Variants in OPRL1 observed in about 807,000 individuals in gnomAD.
OPRL1 encodes nociceptin receptor.
A neutral mutation model predicts 15.5 loss-of-function variants in OPRL1; 5 were observed. That is an observed-to-expected ratio of 0.32 (90% CI 0.17 to 0.68). The LOEUF (loss-of-function observed/expected upper bound fraction) is 0.68, where lower values mean the gene tolerates loss of function less well. Among genes scored for constraint, OPRL1 ranks in the 30% least tolerant of loss-of-function variants. The pLI is 0.72. For synonymous variants in OPRL1, 223 were observed against 230.2 expected, an observed-to-expected ratio of 0.97 and a Z score of 0.28; for missense variants, 406 against 515.3, an observed-to-expected ratio of 0.79 and a Z score of 2.05.
At chr20:64,087,848 T>C (rs2060065594) in intron 1 of OPRL1, among the ~76,000 whole-genome samples, 1 of 152,156 alleles carries the variant, frequency 6.6e-6, no homozygotes, top group African/African-American at 2.4e-5. Flanking sequence ...CCTTGGCAGG[T>C]TGGGGGAGGG....
At chr20:64,088,892 A>G (rs779509506) in intron 1 of OPRL1, among the ~76,000 whole-genome samples, 472 of 19,796 alleles carry the variant, frequency 0.024, 6 homozygotes, top group Admixed American at 0.029. Flanking sequence ...GTCTGTGCAG[A>G]GTGGCCAGGG....
At chr20:64,082,806 G>A (rs1349908487) in intron 1 of OPRL1, among the ~76,000 whole-genome samples, 3 of 148,778 alleles carry the variant, frequency 2.0e-5, no homozygotes, top group Admixed American at 2.0e-4. Flanking sequence ...GTGTGTGTGG[G>A]GTGTGTGTGT....
chr20:64,083,710 G>C lies in OPRL1; in HGVS notation c.-185+3358G>C, dbSNP rs1226589923. ...GAGCAGCGCGATCTCCTCGGCCTGC[G>C]GGGCCCGGGTAGCTGAGCGCGCGCC... On this transcript the variant is annotated intron_variant, in intron 1 of 4. Transcript: ENST00000336866. The surrounding 1 kb of genome is among the most constrained non-coding windows in gnomAD (Gnocchi z 4.9). 2.2e-5 allele frequency: 30 copies of C among 1,379,582 alleles called. No individual in the cohort carries two copies. Among genetic ancestry groups the C allele is most frequent in the Non-Finnish European group, 2.6e-5 (28 of 1,075,778 alleles). The allele number at this position is 1,379,582 out of a possible 1,614,324, so 85.5% of individuals were successfully genotyped here.
chr20:64,081,686 C>G (rs2059969314), intron 1 of OPRL1, among the ~76,000 whole-genome samples: 1 of 152,210 alleles, frequency 6.6e-6, no homozygotes, highest in African/African-American at 2.4e-5. Flanking sequence ...ATATATTGGG[C>G]TTTGGACCAC....
intron 3 of OPRL1, among the ~76,000 whole-genome samples, chr20:64,096,722 C>T (rs1454956986): frequency 3.3e-5 from 5 of 151,932 alleles, no homozygotes; most frequent in African/African-American, 1.2e-4. Context: ...ACCATCACCA[C>T]CATCATCACC....
At chr20:64,080,617 G>C (rs1403813937) in intron 1 of OPRL1, among the ~76,000 whole-genome samples, 3 of 152,200 alleles carry the variant, frequency 2.0e-5, no homozygotes. Context: ...CGAACGCCCT[G>C]TCCCTTTGGC....
chr20:64,092,276 T>C (rs1346220062), intron 2 of OPRL1, among the ~76,000 whole-genome samples, 160 bp downstream of exon 2: 1 of 152,078 alleles, frequency 6.6e-6, no homozygotes, highest in East Asian at 1.9e-4. Context: ...GGTTTGGGCA[T>C]TTCTGTGTGT....
chr20:64,098,452 C>G lies in OPRL1; in HGVS notation c.766C>G (p.Arg256Gly). 1.2e-6 allele frequency: 2 copies of G among 1,613,416 alleles called. No individual in the cohort carries two copies. Among genetic ancestry groups the G allele is most frequent in the African/African-American group, 2.7e-5 (2 of 75,048 alleles). Residue 256 changes from arginine (R) to glycine (G), a missense_variant, in exon 5 of 5, where the codon CGG becomes GGG. Coordinates refer to ENST00000336866, the MANE Select transcript of OPRL1 (RefSeq NM_182647.4). ...RLLSGSREKD[R>G]NLRRITRLVL... Reference sequence around the variant, plus strand: ...GCTCTCGGGCTCCCGAGAGAAGGACCGGAACCTGCGGCGCATCACTCGGCT... The same window carrying G: ...GCTCTCGGGCTCCCGAGAGAAGGACGGGAACCTGCGGCGCATCACTCGGCT...
chr20:64,098,878 G>A lies in OPRL1; in HGVS notation c.*79G>A. ...CAACACAGAGCTCACACAGGTCACT[G>A]CTCTCTAGGCGGACACACCCTGGGC... is the stretch of plus-strand genomic sequence containing the variant. On this transcript the variant is annotated 3_prime_UTR_variant, in exon 5 of 5. Coordinates refer to ENST00000336866, the MANE Select transcript of OPRL1 (RefSeq NM_182647.4). The A allele has an allele frequency of 6.7e-7, 1 of 1,483,744 alleles. No individual in the cohort carries two copies. Among genetic ancestry groups the A allele is most frequent in the Non-Finnish European group, 8.9e-7 (1 of 1,119,226 alleles). The allele number at this position is 1,483,744 out of a possible 1,614,324, so 91.9% of individuals were successfully genotyped here. A position where few individuals can be genotyped will look rare whatever the true frequency, so the allele number is the denominator to read the frequency against.
At position 64,099,538 on chromosome 20, in the gene OPRL1, G is replaced by C. The variant is rs554827154; in HGVS notation, c.*739G>C. 6.6e-6 allele frequency: 1 copy of C among 152,364 alleles called. No individual in the cohort carries two copies. Among genetic ancestry groups the C allele is most frequent in the East Asian group, 1.9e-4 (1 of 5,186 alleles). The allele number at this position is 152,364 out of a possible 1,614,324, so 9.4% of individuals were successfully genotyped here. A position where few individuals can be genotyped will look rare whatever the true frequency, so the allele number is the denominator to read the frequency against. ...TCTGAAGGTTTTCTGTGTGCTGCAC[G>C]GTGCAGGCCTCATCCCTGACTGCAG... is the stretch of plus-strand genomic sequence containing the variant. On this transcript the variant is annotated 3_prime_UTR_variant, in exon 5 of 5. Coordinates refer to ENST00000336866, the MANE Select transcript of OPRL1 (RefSeq NM_182647.4).
chr20:64,088,835 G>C (rs113735524), intron 1 of OPRL1, among the ~76,000 whole-genome samples: 1 of 127,394 alleles, frequency 7.8e-6, no homozygotes, highest in African/African-American at 2.9e-5. Flanking sequence ...TGTGCAGGGA[G>C]GGCAGGATCT....
In OPRL1 at chr20:64,089,114, C is replaced by G. The variant is rs112475153; in HGVS notation, c.-184-2852C>G. 6.6e-6 allele frequency among the ~76,000 whole-genome samples: 1 copy of G among 151,484 alleles called. No homozygotes were observed. The highest frequency in any genetic ancestry group is 1.5e-5 in the Non-Finnish European group (1 of 67,850). ...CAGGGGGCCTAGGCTGTTCAGCATG[C>G]CAGGGTCTGTGCTGGGGGTTTGCCG... On this transcript the variant is annotated intron_variant, in intron 1 of 4. Coordinates refer to ENST00000336866, the MANE Select transcript of OPRL1 (RefSeq NM_182647.4). This position sits in a 1 kb window ranked among gnomAD's most constrained non-coding sequence, Gnocchi z 5.5.
In OPRL1 at chr20:64,088,486, G is replaced by A. The variant is rs528958081; in HGVS notation, c.-184-3480G>A. On this transcript the variant is annotated intron_variant, in intron 1 of 4. Transcript: ENST00000336866. Reference sequence around the variant, plus strand: ...GTCCAGGGAGGGCAGGATCTGTACAGAGGGACCAAGATCTACGCACGGGGA... The same window carrying A: ...GTCCAGGGAGGGCAGGATCTGTACAAAGGGACCAAGATCTACGCACGGGGA... 2.5e-3 allele frequency among the ~76,000 whole-genome samples: 382 copies of A among 151,676 alleles called. 21 individuals are homozygous for A. The South Asian group carries it at 0.072, about 29-fold the overall frequency.
In OPRL1 at chr20:64,098,087, C is replaced by T; in HGVS notation, c.519C>T (p.Ala173=). 6.2e-7 allele frequency: 1 copy of T among 1,613,362 alleles called. No homozygotes were observed. Among genetic ancestry groups the T allele is most frequent in the Non-Finnish European group, 8.5e-7 (1 of 1,180,002 alleles). ...TSSKAQAVNV[A]IWALASVVGV... is the part of the protein sequence containing the mutation. ...GCAAAGCCCAGGCTGTCAATGTGGC[C>T]ATCTGGGCCCTGGCCTCTGTTGTCG... The change falls in exon 4 of 5, where the codon GCC becomes GCT. Residue 173 remains alanine (A), a synonymous_variant. Transcript: ENST00000336866.
At position 64,097,926 on chromosome 20, in the gene OPRL1, A is replaced by C; in HGVS notation, c.358A>C (p.Asn120His). 1 of 1,613,582 alleles carries C rather than the reference A, an allele frequency of 6.2e-7. No individual in the cohort carries two copies. Among genetic ancestry groups the C allele is most frequent in the South Asian group, 1.1e-5 (1 of 91,080 alleles). The change falls in exon 4 of 5, where the codon AAT (asparagine) becomes CAT (histidine). Residue 120 changes from asparagine to histidine, a missense_variant. Coordinates refer to ENST00000336866, the MANE Select transcript of OPRL1 (RefSeq NM_182647.4). The surrounding 1 kb of genome is among the most constrained non-coding windows in gnomAD (Gnocchi z 4.2). Reference sequence around the variant, plus strand: ...CCTCCTGGGCTTCTGGCCGTTTGGGAATGCGCTGTGCAAGACAGTCATTGC... The same window carrying C: ...CCTCCTGGGCTTCTGGCCGTTTGGGCATGCGCTGTGCAAGACAGTCATTGC... ...DILLGFWPFG[N>H]ALCKTVIAID...
intron 1 of OPRL1, among the ~76,000 whole-genome samples, chr20:64,080,604 C>A (rs1018644031): frequency 1.3e-5 from 2 of 152,210 alleles, no homozygotes; most frequent in Non-Finnish European, 2.9e-5. Context: ...GTCCCCTTTG[C>A]CACGAACGCC....
chr20:64,098,634 C>T lies in OPRL1; in HGVS notation c.948C>T (p.Pro316=), dbSNP rs1979489763. The T allele has an allele frequency of 6.2e-7, 1 of 1,612,870 alleles. No individual in the cohort carries two copies. Among genetic ancestry groups the T allele is most frequent in the African/African-American group, 1.3e-5 (1 of 74,934 alleles). ...GCTACGTCAACAGCTGCCTCAACCC[C>T]ATCCTCTACGCCTTCCTGGATGAGA... ...ALGYVNSCLN[P]ILYAFLDENF... is the part of the protein sequence containing the mutation. Residue 316 remains proline, a synonymous_variant, in exon 5 of 5, where the codon CCC becomes CCT. Transcript: ENST00000336866.
In OPRL1 at chr20:64,086,326, C is replaced by T. The variant is rs181508720; in HGVS notation, c.-184-5640C>T. On this transcript the variant is annotated intron_variant, in intron 1 of 4. Transcript: ENST00000336866. ...TATAGGACTGGAAAACCTTGACACC[C>T]CCTAGTCCATAATTTGCAGCAGGTA... is the stretch of plus-strand genomic sequence containing the variant. Among the ~76,000 whole-genome samples, 10 of 152,306 alleles carry T rather than the reference C, an allele frequency of 6.6e-5. No individual in the cohort carries two copies. In the East Asian group the frequency reaches 1.9e-3, roughly 29 times the overall value.
In OPRL1 at chr20:64,083,924, G is replaced by A. The variant is rs2060005872; in HGVS notation, c.-185+3572G>A. The A allele has an allele frequency of 2.8e-6, 4 of 1,452,774 alleles. No homozygotes were observed. Among genetic ancestry groups the A allele is most frequent in the African/African-American group, 1.5e-5 (1 of 67,538 alleles). 90.0% of individuals were successfully genotyped at this position (1,452,774 alleles called of 1,614,324 possible). On this transcript the variant is annotated intron_variant, in intron 1 of 4. Transcript: ENST00000336866. The surrounding 1 kb of genome is among the most constrained non-coding windows in gnomAD (Gnocchi z 4.9). ...CTGGCGCTCGGCGGGCAGCTCGAGC[G>A]ACTGCGTCCACGGGCGCGGGTCGGG...
Sources: gnomAD v4.1 joint callset for allele counts (sites outside exome capture counted in the v4.1 genomes callset) on GRCh38, gnomAD v4.1.1 for gene constraint, Gnocchi (gnomAD v3.1) non-coding constraint, MANE v1.5 for transcripts, NCBI Gene and HGNC (gene_info 2026-07-23, HGNC 2026-07-21) for gene names.